ASPH: variants seen among roughly 807,000 people sequenced by gnomAD.
ASPH encodes the protein aspartate beta-hydroxylase.
In ASPH, 100 loss-of-function variants were observed where a neutral mutation model predicts 118.4. That is an observed-to-expected ratio of 0.84 (90% confidence interval 0.72 to 1.00). The LOEUF is 1.00. ASPH is among the 50% of genes least tolerant of loss of function. The pLI, the probability that ASPH is intolerant of heterozygous loss-of-function variation, is 0.00. For synonymous variants in ASPH, 315 were observed against 325.6 expected, an observed-to-expected ratio of 0.97 and a Z score of 0.35; for missense variants, 920 against 919.5, an observed-to-expected ratio of 1.00 and a Z score of -0.01.
rs779882721 is a variant in ASPH, at chr8:61,562,830, G to C, written c.1351C>G (p.Pro451Ala). 1.1e-5 allele frequency: 17 copies of C among 1,612,560 alleles called. No individual in the cohort carries two copies. Among genetic ancestry groups the C allele is most frequent in the Non-Finnish European group, 1.4e-5 (16 of 1,179,432 alleles). The change falls in exon 18 of 25, where the codon CCC becomes GCC. Residue 451 changes from proline to alanine, a missense_variant. Coordinates refer to ENST00000379454, the MANE Select transcript of ASPH (RefSeq NM_004318.4). ...LTLQRLVQLF[P>A]NDTSLKNDLG... Reference sequence around the variant, plus strand: ...TCATTTTTTAAGGAAGTATCATTGGGAAATAGTTGAACTAATCTCTGCAGG... The same window carrying C: ...TCATTTTTTAAGGAAGTATCATTGGCAAATAGTTGAACTAATCTCTGCAGG...
At chr8:61,683,939 G>A (rs1829369534) in intron 2 of ASPH, 100 bp downstream of exon 2, 4 of 1,377,386 alleles carry the variant, frequency 2.9e-6, no homozygotes, top group Admixed American at 4.1e-5. Context: ...AAAGGCTATA[G>A]AAATTACCAG....
At chr8:61,587,648 A>G (rs1260227151) in intron 14 of ASPH, among the ~76,000 whole-genome samples, 1 of 152,246 alleles carries the variant, frequency 6.6e-6, no homozygotes, top group Non-Finnish European at 1.5e-5. Context: ...ATATTTCAAT[A>G]ACAGCACTAA....
At chr8:61,574,662 C>A (rs1029288501) in intron 16 of ASPH, among the ~76,000 whole-genome samples, 7 of 152,018 alleles carry the variant, frequency 4.6e-5, no homozygotes, top group Non-Finnish European at 1.0e-4. Context: ...AACACATGGA[C>A]ACAGGGAGGG....
Position 61,642,910 on chromosome 8 carries a change from T to C in ASPH, c.768A>G (p.Thr256=). The C allele has an allele frequency of 6.4e-7, 1 of 1,553,344 alleles. No homozygotes were observed. ...ERLHHDTDDV[T]YQVYEEQAVY... ...AACCTTGTTCCTCATAGACTTGGTA[T>C]GTTACATCATCTGAAAAAAAAAAGA... Residue 256 remains threonine, a synonymous_variant, in exon 10 of 25, where the codon ACA becomes ACG. Coordinates refer to ENST00000379454, the MANE Select transcript of ASPH (RefSeq NM_004318.4).
intron 21 of ASPH, among the ~76,000 whole-genome samples, chr8:61,547,442 A>C (rs1296870272): frequency 2.6e-5 from 4 of 152,172 alleles, no homozygotes; most frequent in Non-Finnish European, 4.4e-5. Context: ...TGCAAGATCA[A>C]AACTACTTTC....
At position 61,663,945 on chromosome 8, in the gene ASPH, C is replaced by A. The variant is rs1053302913; in HGVS notation, c.323-10285G>T. ...TGAGTTGAAATATCTTTAATTAGATCAAAAATCTCGTTTTTAAGATCTTCA... is the reference window on the plus strand; with the variant it reads ...TGAGTTGAAATATCTTTAATTAGATAAAAAATCTCGTTTTTAAGATCTTCA... On this transcript the variant is annotated intron_variant, in intron 3 of 24. Coordinates refer to ENST00000379454, the MANE Select transcript of ASPH (RefSeq NM_004318.4). The A allele has an allele frequency of 1.8e-5, 16 of 884,444 alleles. No homozygotes were observed. The highest frequency in any genetic ancestry group is 2.0e-5 in the Non-Finnish European group (15 of 738,556). The allele number at this position is 884,444 out of a possible 1,614,324, so 54.8% of individuals were successfully genotyped here.
chr8:61,568,610 G>C (rs1415271167), intron 16 of ASPH, among the ~76,000 whole-genome samples: 1 of 152,186 alleles, frequency 6.6e-6, no homozygotes, highest in Admixed American at 6.5e-5. Context: ...GGAGGTCAGA[G>C]TAAGAGAAGT....
intron 3 of ASPH, among the ~76,000 whole-genome samples, chr8:61,679,963 A>AAAAAAC (rs1563554638): frequency 2.7e-5 from 4 of 148,350 alleles, no homozygotes; most frequent in Non-Finnish European, 6.0e-5. Flanking sequence ...AAAAAACAAA[A>AAAAAAC]AACACCAACA....
chr8:61,517,202 G>T, intron 24 of ASPH: 1 of 231,286 alleles, frequency 4.3e-6, no homozygotes, highest in Non-Finnish European at 8.5e-6. Context: ...GAAGCACAAT[G>T]CATAACATCT....
chr8:61,664,357 C>T, intron 3 of ASPH: 1 of 974,130 alleles, frequency 1.0e-6, no homozygotes, highest in Non-Finnish European at 1.2e-6. Context: ...AATGAAAGTA[C>T]ATTCTAATCT....
chr8:61,590,820 C>T (rs1487567610), intron 14 of ASPH, among the ~76,000 whole-genome samples: 8 of 151,836 alleles, frequency 5.3e-5, no homozygotes, highest in Admixed American at 4.6e-4. Context: ...CCTGGAAAAC[C>T]CTTTCCTTTA....
chr8:61,664,913 A>C (rs1171577332), intron 3 of ASPH: 2 of 1,039,300 alleles, frequency 1.9e-6, no homozygotes, highest in Non-Finnish European at 2.3e-6. Context: ...GCACAGAAAT[A>C]ACATTTAAAA....
chr8:61,663,649 T>C, intron 3 of ASPH: 1 of 985,250 alleles, frequency 1.0e-6, no homozygotes, highest in Non-Finnish European at 1.2e-6. Flanking sequence ...TGTGTAAAAA[T>C]GGCAAAATCC....
At chr8:61,607,281 T>C (rs1845861889) in intron 14 of ASPH, 1 of 702,248 alleles carries the variant, frequency 1.4e-6, no homozygotes, top group Non-Finnish European at 2.6e-6. Flanking sequence ...TCCCAGGACA[T>C]GGTGCAAGCC....
intron 16 of ASPH, among the ~76,000 whole-genome samples, chr8:61,571,367 C>T (rs964841987): frequency 6.6e-6 from 1 of 152,236 alleles, no homozygotes; most frequent in African/African-American, 2.4e-5. Flanking sequence ...ACCATCACTG[C>T]CGCACTGCAA....
chr8:61,673,872 G>C (rs1474292842), intron 3 of ASPH, among the ~76,000 whole-genome samples: 1 of 152,114 alleles, frequency 6.6e-6, no homozygotes, highest in Non-Finnish European at 1.5e-5. Context: ...AGTCACAGAA[G>C]TCAGGGGTTC....
chr8:61,553,486 G>A lies in ASPH; in HGVS notation c.1537-366C>T, dbSNP rs574028618. 3.9e-5 allele frequency among the ~76,000 whole-genome samples: 6 copies of A among 152,254 alleles called. No homozygotes were observed. In the East Asian group the frequency reaches 1.2e-3, roughly 29 times the overall value. ...TCCAAATCTGACCATATGTCATCTA[G>A]AGGCTTTTTATTCCTAAACCAAAAT... On this transcript the variant is annotated intron_variant, in intron 19 of 24. Coordinates refer to ENST00000379454, the MANE Select transcript of ASPH (RefSeq NM_004318.4).
intron 24 of ASPH, among the ~76,000 whole-genome samples, chr8:61,514,312 A>AT (rs759586516): frequency 0.017 from 2,483 of 144,076 alleles, 59 homozygotes; most frequent in African/African-American, 0.057. Context: ...GCCTAAGTAG[A>AT]TTTTTTTTTT....
At chr8:61,599,432 C>A (rs1843314655) in intron 14 of ASPH, among the ~76,000 whole-genome samples, 1 of 147,490 alleles carries the variant, frequency 6.8e-6, no homozygotes. Flanking sequence ...AACAAACCTG[C>A]ACGTTGTGCA....
Sources: gnomAD v4.1 joint callset for allele counts (sites outside exome capture counted in the v4.1 genomes callset) on GRCh38, gnomAD v4.1.1 for gene constraint, MANE v1.5 for transcripts, NCBI Gene and HGNC (gene_info 2026-07-23, HGNC 2026-07-21) for gene names.